The following ADAMTSL1 variants were observed in gnomAD, a reference collection of about 807,000 sequenced individuals.
ADAMTSL1 encodes the protein ADAMTS-like protein 1.
In ADAMTSL1, 126 loss-of-function variants were observed where a neutral mutation model predicts 201.8. The ratio of observed to expected loss-of-function variants is 0.62; its 90% CI spans 0.54 to 0.72. The LOEUF (loss-of-function observed/expected upper bound fraction) is 0.72. ADAMTSL1 is among the 30% of genes least tolerant of loss of function. ADAMTSL1 has a pLI of 0.00. For synonymous variants in ADAMTSL1, 1,121 were observed against 903.4 expected, an observed-to-expected ratio of 1.24 and a Z score of -4.32; for missense variants, 2,679 against 2,277.8, an observed-to-expected ratio of 1.18 and a Z score of -3.59.
chr9:18,530,163 T>C (rs1262511547), intron 2 of ADAMTSL1, among the ~76,000 whole-genome samples: 1 of 152,152 alleles, frequency 6.6e-6, no homozygotes, highest in Non-Finnish European at 1.5e-5. Context: ...ATTATTTCAG[T>C]TGGTGATCCT....
At chr9:18,369,548 C>A (rs1327353127) in intron 2 of ADAMTSL1, among the ~76,000 whole-genome samples, 1 of 152,068 alleles carries the variant, frequency 6.6e-6, no homozygotes, top group Non-Finnish European at 1.5e-5. Flanking sequence ...ATTAGTATAA[C>A]CACTATGGGA....
At chr9:18,721,490 A>G in intron 14 of ADAMTSL1, 46 bp from the exon 15 acceptor site, 1 of 1,604,668 alleles carries the variant, frequency 6.2e-7, no homozygotes, top group Non-Finnish European at 8.5e-7. Context: ...CCCCCCACAC[A>G]CACACCCACT....
chr9:18,518,559 T>C (rs1293678940), intron 2 of ADAMTSL1, among the ~76,000 whole-genome samples: 1 of 152,094 alleles, frequency 6.6e-6, no homozygotes, highest in Non-Finnish European at 1.5e-5. Context: ...TTGATGGACA[T>C]TTAGGCTGAT....
chr9:18,684,518 C>T (rs899065915), intron 12 of ADAMTSL1, among the ~76,000 whole-genome samples, 198 bp from the exon 13 acceptor site: 6 of 152,192 alleles, frequency 3.9e-5, no homozygotes, highest in African/African-American at 1.4e-4. Flanking sequence ...AGCTTGCACA[C>T]AAACTAGTAT....
intron 2 of ADAMTSL1, among the ~76,000 whole-genome samples, chr9:18,459,807 G>A (rs1048845727): frequency 3.3e-5 from 5 of 152,142 alleles, no homozygotes; most frequent in Non-Finnish European, 7.4e-5. Context: ...AAAGCAATTC[G>A]TAAATATGGT....
At chr9:18,521,248 G>T (rs1209148409) in intron 2 of ADAMTSL1, among the ~76,000 whole-genome samples, 2 of 152,068 alleles carry the variant, frequency 1.3e-5, no homozygotes, top group Non-Finnish European at 2.9e-5. Flanking sequence ...AGGGTTATCT[G>T]GAAGCATGTG....
At chr9:18,096,299 A>G (rs1037472962) in intron 1 of ADAMTSL1, among the ~76,000 whole-genome samples, 13 of 152,228 alleles carry the variant, frequency 8.5e-5, no homozygotes, top group African/African-American at 3.1e-4. Context: ...TAATTACCGT[A>G]TTCCCTTCTT....
At chr9:18,210,980 A>T (rs1165272270) in intron 2 of ADAMTSL1, among the ~76,000 whole-genome samples, 1 of 151,194 alleles carries the variant, frequency 6.6e-6, no homozygotes, top group Non-Finnish European at 1.5e-5. Flanking sequence ...AAAAAAAAAA[A>T]GGTGACAGAG....
chr9:18,100,224 T>C (rs1357728248), intron 1 of ADAMTSL1, among the ~76,000 whole-genome samples: 1 of 152,172 alleles, frequency 6.6e-6, no homozygotes, highest in Non-Finnish European at 1.5e-5. Flanking sequence ...GTAACTTTGC[T>C]TGGGAGTTGA....
At position 18,537,299 on chromosome 9, in the gene ADAMTSL1, C is replaced by T. The variant is rs1819835442; in HGVS notation, c.237+4007C>T. On this transcript the variant is annotated intron_variant, in intron 3 of 28. Coordinates refer to ENST00000380548, the MANE Select transcript of ADAMTSL1 (RefSeq NM_001040272.6). Reference sequence around the variant, plus strand: ...TGGTAGCTAGTTCAGAGAGGAAGTTCAGAAAATCCACTTGAGAAGTAACAC... The same window carrying T: ...TGGTAGCTAGTTCAGAGAGGAAGTTTAGAAAATCCACTTGAGAAGTAACAC... 2.0e-5 allele frequency among the ~76,000 whole-genome samples: 3 copies of T among 152,132 alleles called. No homozygotes were observed. The South Asian group carries it at 6.2e-4, about 32-fold the overall frequency.
chr9:18,157,795 C>A lies in ADAMTSL1; in HGVS notation c.88-6067C>A, dbSNP rs1166015945. Among the ~76,000 whole-genome samples the A allele has an allele frequency of 5.3e-5, 8 of 152,140 alleles. No homozygotes were observed. The South Asian group carries it at 1.2e-3, about 24-fold the overall frequency. ...TGCTTTTATTAGCCACCCCCACGATCTTCTTGGGGATCATATTTAGCCTTT... is the reference window on the plus strand; with the variant it reads ...TGCTTTTATTAGCCACCCCCACGATATTCTTGGGGATCATATTTAGCCTTT... On this transcript the variant is annotated intron_variant, in intron 1 of 29. Coordinates refer to the ADAMTSL1 transcript ENST00000680146.
chr9:18,010,966 A>C (rs183538248), intron 1 of ADAMTSL1, among the ~76,000 whole-genome samples: 2 of 151,990 alleles, frequency 1.3e-5, no homozygotes, highest in East Asian at 3.9e-4. Context: ...TATGAGTATT[A>C]AATTCTATAA....
chr9:17,918,807 T>C (rs1563894601), intron 1 of ADAMTSL1, among the ~76,000 whole-genome samples: 2 of 152,050 alleles, frequency 1.3e-5, no homozygotes, highest in South Asian at 2.1e-4. Context: ...TAGACTTGTC[T>C]ATTTCTCTTG....
At chr9:18,696,811 CA>C (rs1327415803) in intron 13 of ADAMTSL1, among the ~76,000 whole-genome samples, 2 of 151,270 alleles carry the variant, frequency 1.3e-5, no homozygotes, top group African/African-American at 4.9e-5. Context: ...ATATAATTTT[CA>C]AAAGGGTACA....
chr9:18,573,413 G>A (rs1302677944), intron 3 of ADAMTSL1: 4 of 155,556 alleles, frequency 2.6e-5, no homozygotes, highest in African/African-American at 9.6e-5. Flanking sequence ...TAAGGAGGAA[G>A]TCCATGCTCT....
intron 19 of ADAMTSL1, among the ~76,000 whole-genome samples, chr9:18,788,367 C>A (rs1290410802): frequency 6.6e-6 from 1 of 151,912 alleles, no homozygotes; most frequent in Admixed American, 6.6e-5. Context: ...CAAACCTTGA[C>A]GTTAATTACC....
At chr9:18,189,928 C>T (rs1466978799) in intron 2 of ADAMTSL1, among the ~76,000 whole-genome samples, 2 of 152,178 alleles carry the variant, frequency 1.3e-5, no homozygotes, top group African/African-American at 2.4e-5. Flanking sequence ...GCATATTAGT[C>T]TGTGTGCTGC....
intron 20 of ADAMTSL1, among the ~76,000 whole-genome samples, chr9:18,803,451 C>T (rs1055360012): frequency 1.3e-5 from 2 of 152,160 alleles, no homozygotes; most frequent in African/African-American, 2.4e-5. Flanking sequence ...TTAGAATAAT[C>T]TCCCCATTTT....
At chr9:18,696,368 G>T (rs1165565552) in intron 13 of ADAMTSL1, among the ~76,000 whole-genome samples, 1 of 152,212 alleles carries the variant, frequency 6.6e-6, no homozygotes, top group Non-Finnish European at 1.5e-5. Context: ...AAGAAGATTA[G>T]TGTGGCTGGA....
Sources: allele counts gnomAD v4.1 joint callset (sites outside exome capture counted in the v4.1 genomes callset), GRCh38; gene constraint gnomAD v4.1.1; transcripts MANE v1.5; gene names NCBI Gene and HGNC (gene_info 2026-07-23, HGNC 2026-07-21).